CLMN: variants seen among roughly 807,000 people sequenced by gnomAD.
The protein encoded by CLMN is calmin.
In CLMN, 57 loss-of-function variants were observed where a neutral mutation model predicts 92.7. The observed-to-expected ratio is 0.61, with a 90% confidence interval of 0.50 to 0.77. The LOEUF (loss-of-function observed/expected upper bound fraction) is 0.77, where lower values mean the gene tolerates loss of function less well. Ranked by LOEUF, CLMN falls within the 30% of genes least tolerant of loss-of-function variation. The pLI is 0.00. For synonymous variants in CLMN, 466 were observed against 470.6 expected (o/e 0.99, Z 0.13); for missense variants, 1,158 against 1,237.5 (o/e 0.94, Z 0.96).
chr14:95,240,252 C>T (rs1322423099), intron 1 of CLMN, among the ~76,000 whole-genome samples: 1 of 152,230 alleles, frequency 6.6e-6, no homozygotes, highest in Non-Finnish European at 1.5e-5. Context: ...CTGGTGCTCA[C>T]AGCCAGCCAT....
chr14:95,201,627 GT>G (rs1896886214), intron 9 of CLMN, among the ~76,000 whole-genome samples: 1 of 139,224 alleles, frequency 7.2e-6, no homozygotes, highest in African/African-American at 2.7e-5. Context: ...GTGCAGGTTT[GT>G]TACATAGAAA....
chr14:95,298,224 C>T (rs574675892), intron 1 of CLMN, among the ~76,000 whole-genome samples: 2 of 152,214 alleles, frequency 1.3e-5, no homozygotes, highest in South Asian at 4.2e-4. Context: ...CCCTTCCCCC[C>T]CAATAGATTT....
At chr14:95,206,548 G>C (rs914308915) in intron 8 of CLMN, among the ~76,000 whole-genome samples, 2 of 152,180 alleles carry the variant, frequency 1.3e-5, no homozygotes, top group Non-Finnish European at 2.9e-5. Context: ...ACATGGTCAG[G>C]GCCCAACAAA....
chr14:95,221,675 A>T lies in CLMN; in HGVS notation c.324+16T>A, dbSNP rs781406682. The T allele has an allele frequency of 1.3e-5, 21 of 1,606,910 alleles. No individual in the cohort carries two copies. In the East Asian group the frequency reaches 2.5e-4, roughly 19 times the overall value. On this transcript the variant is annotated intron_variant, in intron 4 of 12. Coordinates refer to ENST00000298912, the MANE Select transcript of CLMN (RefSeq NM_024734.4). ...AGGACAAGCTTGTGTTAGCAGGATG[A>T]GCTTCAAACACTTACATTGCTATCT...
intron 4 of CLMN, among the ~76,000 whole-genome samples, chr14:95,219,476 G>C (rs1201674089): frequency 6.6e-6 from 1 of 152,228 alleles, no homozygotes. Flanking sequence ...GGGTGACGCA[G>C]TGAGAGCTGG....
chr14:95,288,333 T>C (rs1900422515), intron 1 of CLMN, among the ~76,000 whole-genome samples: 1 of 152,102 alleles, frequency 6.6e-6, no homozygotes, highest in Admixed American at 6.6e-5. Context: ...CACAGTAGGC[T>C]TTTGAAAGAG....
At chr14:95,196,357 A>G (rs1012466116) in intron 10 of CLMN, 141 bp downstream of exon 10, 1 of 830,676 alleles carries the variant, frequency 1.2e-6, no homozygotes, top group African/African-American at 1.7e-5. Flanking sequence ...AGGTGTAGAG[A>G]ATGAGGATTG....
chr14:95,300,976 G>C (rs1324415011), intron 1 of CLMN, among the ~76,000 whole-genome samples: 1 of 152,198 alleles, frequency 6.6e-6, no homozygotes. Context: ...CTTGAAAATA[G>C]GCAATATTTT....
chr14:95,306,622 T>A (rs1901291104), intron 1 of CLMN, among the ~76,000 whole-genome samples: 1 of 152,018 alleles, frequency 6.6e-6, no homozygotes, highest in Non-Finnish European at 1.5e-5. Flanking sequence ...GAGTTTCAGA[T>A]GAATTAATAA....
intron 10 of CLMN, among the ~76,000 whole-genome samples, chr14:95,195,486 C>T (rs1896683507): frequency 6.6e-6 from 1 of 152,258 alleles, no homozygotes; most frequent in Non-Finnish European, 1.5e-5. Flanking sequence ...CACCTGCCAG[C>T]AACTCCTCTG....
chr14:95,304,698 T>G (rs1016918265), intron 1 of CLMN, among the ~76,000 whole-genome samples: 2 of 151,822 alleles, frequency 1.3e-5, no homozygotes, highest in African/African-American at 4.8e-5. Context: ...GTACAATCTG[T>G]ACAACAGCCA....
intron 1 of CLMN, among the ~76,000 whole-genome samples, chr14:95,314,910 G>T (rs1442089766): frequency 2.6e-5 from 4 of 152,188 alleles, no homozygotes; most frequent in Admixed American, 6.5e-5. Context: ...TGAAACCTGT[G>T]CATTTGGTTT....
At chr14:95,258,740 GGTGT>G (rs1177390381) in intron 1 of CLMN, among the ~76,000 whole-genome samples, 2 of 144,814 alleles carry the variant, frequency 1.4e-5, no homozygotes, top group Non-Finnish European at 3.0e-5. Flanking sequence ...ATGTATCTGT[GGTGT>G]GTGTGTGGTA....
intron 8 of CLMN, 69 bp from the exon 9 acceptor site, chr14:95,204,532 C>A: frequency 1.5e-6 from 2 of 1,358,568 alleles, no homozygotes; most frequent in Non-Finnish European, 2.0e-6. Flanking sequence ...AAGCACAGAG[C>A]AACATGAGTA....
intron 1 of CLMN, among the ~76,000 whole-genome samples, chr14:95,268,907 G>C (rs1411005713): frequency 6.9e-6 from 1 of 144,168 alleles, no homozygotes; most frequent in African/African-American, 2.6e-5. Flanking sequence ...AGGTTCAAGT[G>C]ATTTTCCTGC....
intron 4 of CLMN, among the ~76,000 whole-genome samples, chr14:95,217,256 C>T (rs1897379914): frequency 6.6e-6 from 1 of 152,212 alleles, no homozygotes; most frequent in Admixed American, 6.5e-5. Flanking sequence ...TCATACAAAA[C>T]CTTTTTCTTT....
chr14:95,193,996 G>C (rs891313016), intron 11 of CLMN, 77 bp from the exon 12 acceptor site: 5 of 1,580,810 alleles, frequency 3.2e-6, no homozygotes, highest in Non-Finnish European at 4.3e-6. Context: ...AAGATAAAAC[G>C]ATTTTAAACA....
rs760529305 is a variant in CLMN at position 95,245,473 on chromosome 14, C to CGGATGGAT, written c.83-15348_83-15341dup. On this transcript the variant is annotated intron_variant, in intron 1 of 12. Coordinates refer to ENST00000298912, the MANE Select transcript of CLMN (RefSeq NM_024734.4). ...TAAGTACAGATGCGTGATGGATGGA[C>CGGATGGAT]GGATGGATGGATGGATGGATGGATA... Among the ~76,000 whole-genome samples, 3 of 146,340 alleles carry CGGATGGAT rather than the reference C, an allele frequency of 2.1e-5. No individual in the cohort carries two copies. The East Asian group carries it at 6.1e-4, about 30-fold the overall frequency.
chr14:95,319,470 C>T (rs1901945177), intron 1 of CLMN, among the ~76,000 whole-genome samples: 1 of 152,184 alleles, frequency 6.6e-6, no homozygotes, highest in Non-Finnish European at 1.5e-5. Flanking sequence ...TGCGAGCCCT[C>T]GCCCCACAAC....
Sources: allele counts gnomAD v4.1 joint callset (sites outside exome capture counted in the v4.1 genomes callset), GRCh38; gene constraint gnomAD v4.1.1; transcripts MANE v1.5; gene names NCBI Gene and HGNC (gene_info 2026-07-23, HGNC 2026-07-21).